The following GSTA4 variants were observed in gnomAD, a reference collection of about 807,000 sequenced individuals.
The protein encoded by GSTA4 is glutathione S-transferase A4.
In GSTA4, 15 loss-of-function variants were observed where a neutral mutation model predicts 24.4. The observed-to-expected ratio is 0.61, with a 90% CI of 0.41 to 0.95. The LOEUF (loss-of-function observed/expected upper bound fraction) is 0.95, where lower values mean the gene tolerates loss of function less well. Ranked by LOEUF, GSTA4 falls within the 40% of genes least tolerant of loss-of-function variation. The pLI, the probability that GSTA4 is intolerant of heterozygous loss-of-function variation, is 0.00. For missense variants in GSTA4, 244 were observed against 262.1 expected (o/e 0.93, Z 0.48); for synonymous variants, 92 against 94.2 (o/e 0.98, Z 0.13).
chr6:52,982,225 T>G (rs1325774746), intron 6 of GSTA4, among the ~76,000 whole-genome samples: 1 of 152,090 alleles, frequency 6.6e-6, no homozygotes, highest in Non-Finnish European at 1.5e-5. Flanking sequence ...AAAATTAAGA[T>G]GAAAATTTCT....
intron 6 of GSTA4, among the ~76,000 whole-genome samples, chr6:52,979,014 C>T (rs957090730): frequency 2.0e-5 from 3 of 151,974 alleles, no homozygotes; most frequent in Admixed American, 2.0e-4. Context: ...CACAAATCTC[C>T]AGGTTCACAA....
In GSTA4 at chr6:52,988,305, G is replaced by A. The variant is rs551468555; in HGVS notation, c.88-897C>T. ...TGCTAAAAAAAAAAAAAGGTAGGAG[G>A]AAGGAAAAGCTCTTTTTTACAGAAG... is the stretch of plus-strand genomic sequence containing the variant. On this transcript the variant is annotated intron_variant, in intron 2 of 6. Coordinates refer to ENST00000370963, the MANE Select transcript of GSTA4 (RefSeq NM_001512.4). Among the ~76,000 whole-genome samples the A allele has an allele frequency of 2.0e-3, 296 of 151,032 alleles. 2 individuals carry two copies. The highest frequency in any genetic ancestry group is 6.8e-3 in the African/African-American group (281 of 41,204).
chr6:52,984,632 G>A (rs1268416888), intron 4 of GSTA4, 27 bp from the exon 5 acceptor site: 1 of 1,581,596 alleles, frequency 6.3e-7, no homozygotes, highest in Admixed American at 1.7e-5. Context: ...AGTTGTCTCA[G>A]TTTCTCCTCT....
intron 6 of GSTA4, among the ~76,000 whole-genome samples, chr6:52,979,030 T>C (rs1763399828): frequency 6.6e-6 from 1 of 151,966 alleles, no homozygotes; most frequent in Non-Finnish European, 1.5e-5. Context: ...CACAAAAAGG[T>C]AAGCACTCTT....
intron 5 of GSTA4, among the ~76,000 whole-genome samples, chr6:52,983,963 T>C (rs538147694): frequency 6.6e-6 from 1 of 152,236 alleles, no homozygotes; most frequent in South Asian, 2.1e-4. Context: ...AATAAAGAAT[T>C]TGAAGCTCAG....
rs146287971 is a variant in GSTA4 at position 52,995,001 on chromosome 6, G to A, written c.-19+248C>T. The A allele has an allele frequency of 3.3e-5, 5 of 152,520 alleles. No individual in the cohort carries two copies. The East Asian group carries it at 9.6e-4, about 29-fold the overall frequency. The allele number at this position is 152,520 out of a possible 1,614,324, so 9.4% of individuals were successfully genotyped here. A position where few individuals can be genotyped will look rare whatever the true frequency, so the allele number is the denominator to read the frequency against. On this transcript the variant is annotated intron_variant, in intron 1 of 6. Transcript: ENST00000370963. ...CCTTCCACCAATGCATTCAGACTCC[G>A]CAGAAGGGGTTTAAAAAAAAATACG...
intron 1 of GSTA4, chr6:52,994,928 C>G (rs1763740107): frequency 6.6e-6 from 1 of 152,338 alleles, no homozygotes; most frequent in African/African-American, 2.4e-5. Flanking sequence ...TCAGCCCATG[C>G]AGGGGCGTAG....
chr6:52,985,505 T>A lies in GSTA4; in HGVS notation c.218A>T (p.His73Leu). Reference protein sequence around the residue: ...MKLVQTRSILHYIADKHNLFG... With the variant: ...MKLVQTRSILLYIADKHNLFG... ...GAGATTGTGCTTGTCTGCTATGTAG[T>A]GGAGAATGCTTCGGGTCTGTACCAA... Residue 73 changes from histidine to leucine, a missense_variant, in exon 4 of 7, where the codon CAC becomes CTC. Transcript: ENST00000370963. The A allele has an allele frequency of 1.2e-6, 2 of 1,613,998 alleles. No individual in the cohort carries two copies. The highest frequency in any genetic ancestry group is 1.7e-6 in the Non-Finnish European group (2 of 1,179,850).
At chr6:52,979,289 C>A (rs557048630) in intron 6 of GSTA4, among the ~76,000 whole-genome samples, 1 of 152,194 alleles carries the variant, frequency 6.6e-6, no homozygotes, top group Non-Finnish European at 1.5e-5. Flanking sequence ...GGAGAAAATG[C>A]ATGAGCCACT....
intron 2 of GSTA4, among the ~76,000 whole-genome samples, chr6:52,988,558 C>A (rs1763606181): frequency 2.0e-5 from 3 of 152,128 alleles, no homozygotes; most frequent in Admixed American, 6.5e-5. Flanking sequence ...AGGTGAAAAT[C>A]AGGTATATTC....
chr6:52,994,744 T>C (rs1474902682), intron 1 of GSTA4, among the ~76,000 whole-genome samples: 1 of 152,054 alleles, frequency 6.6e-6, no homozygotes, highest in Non-Finnish European at 1.5e-5. Context: ...ACAGGCCGAG[T>C]ACTACTACTG....
chr6:52,987,430 G>A (rs371931758), intron 2 of GSTA4, 22 bp from the exon 3 acceptor site: 76 of 1,249,932 alleles, frequency 6.1e-5, no homozygotes, highest in Middle Eastern at 1.9e-4. Flanking sequence ...AAAAAGAAAC[G>A]TATATATACA....
chr6:52,981,866 A>G (rs534820648), intron 6 of GSTA4, among the ~76,000 whole-genome samples: 1 of 152,296 alleles, frequency 6.6e-6, no homozygotes, highest in South Asian at 2.1e-4. Context: ...TCTATGATCA[A>G]TCCTGCCAGA....
intron 2 of GSTA4, among the ~76,000 whole-genome samples, chr6:52,992,719 G>A (rs953779938): frequency 7.2e-5 from 11 of 152,178 alleles, no homozygotes; most frequent in African/African-American, 2.2e-4. Context: ...GTAAAATGAA[G>A]GAAACGACTG....
At chr6:52,979,512 A>T (rs1057159988) in intron 6 of GSTA4, among the ~76,000 whole-genome samples, 4 of 152,240 alleles carry the variant, frequency 2.6e-5, no homozygotes, top group African/African-American at 9.6e-5. Flanking sequence ...TCATTCACAG[A>T]ATCAAATCTT....
intron 4 of GSTA4, 150 bp from the exon 5 acceptor site, chr6:52,984,755 G>A (rs1397110760): frequency 6.0e-6 from 4 of 662,416 alleles, no homozygotes; most frequent in Non-Finnish European, 1.0e-5. Context: ...TCTCTTAAGA[G>A]CAAAGATATA....
chr6:52,987,423 A>G lies in GSTA4; in HGVS notation c.88-15T>C, dbSNP rs1458078301. On this transcript the variant is annotated splice_polypyrimidine_tract_variant and intron_variant, in intron 2 of 6. Transcript: ENST00000370963. ...TCTTCATCAAACTAAATTTTTAAAA[A>G]AGAAACGTATATATACATAGTGGAA... 6.4e-6 allele frequency: 9 copies of G among 1,412,326 alleles called. No individual in the cohort carries two copies. The highest frequency in any genetic ancestry group is 9.0e-6 in the Non-Finnish European group (9 of 1,000,034). The allele number at this position is 1,412,326 out of a possible 1,614,324, so 87.5% of individuals were successfully genotyped here.
At position 52,978,330 on chromosome 6, in the gene GSTA4, C is replaced by T. The variant is rs771245216; in HGVS notation, c.*140G>A. 7.8e-6 allele frequency: 6 copies of T among 772,142 alleles called. No homozygotes were observed. Among genetic ancestry groups the T allele is most frequent in the Non-Finnish European group, 1.1e-5 (5 of 470,460 alleles). 47.8% of individuals were successfully genotyped at this position (772,142 alleles called of 1,614,324 possible). ...GGTTGATATTTCTAGAAGAGATGAT[C>T]TCGTTGACACAAAAGACCCAACTTA... On this transcript the variant is annotated 3_prime_UTR_variant, in exon 7 of 7. Transcript: ENST00000370963.
At position 52,994,181 on chromosome 6, in the gene GSTA4, C is replaced by G. The variant is rs1432986293; in HGVS notation, c.63G>C (p.Trp21Cys). ...CCTCGACTCCGGCGGCAGCTAAAAC[C>G]CATCTCACGGACTCCATCCGGCCTC... ...NGRGRMESVR[W>C]VLAAAGVEFD... Residue 21 changes from tryptophan to cysteine, a missense_variant, in exon 2 of 7, where the codon TGG (tryptophan) becomes TGC (cysteine). By Grantham distance (215) the Trp-to-Cys change is radical. Transcript: ENST00000370963. 6.2e-7 allele frequency: 1 copy of G among 1,613,020 alleles called. No homozygotes were observed. Among genetic ancestry groups the G allele is most frequent in the Non-Finnish European group, 8.5e-7 (1 of 1,178,988 alleles).
Sources: gnomAD v4.1 joint callset for allele counts (sites outside exome capture counted in the v4.1 genomes callset) on GRCh38, gnomAD v4.1.1 for gene constraint, MANE v1.5 for transcripts, NCBI Gene and HGNC (gene_info 2026-07-23, HGNC 2026-07-21) for gene names.